MTUS2: variants seen among roughly 807,000 people sequenced by gnomAD.
The protein encoded by MTUS2 is microtubule-associated tumor suppressor candidate 2.
Under a neutral mutation model 114.1 loss-of-function variants are expected in MTUS2, and 40 were observed. The observed-to-expected ratio is 0.35, with a 90% CI of 0.27 to 0.46. The LOEUF (loss-of-function observed/expected upper bound fraction) is 0.46, where lower values mean the gene tolerates loss of function less well. Ranked by LOEUF, MTUS2 falls within the 20% of genes least tolerant of loss-of-function variation. The probability of loss-of-function intolerance (pLI) is 1.00; values close to 1 mark genes in which losing one functional copy is unlikely to be tolerated. For synonymous variants in MTUS2, 688 were observed against 672.0 expected, an observed-to-expected ratio of 1.02 and a Z score of -0.37; for missense variants, 1,679 against 1,705.4, an observed-to-expected ratio of 0.98 and a Z score of 0.27.
intron 5 of MTUS2, among the ~76,000 whole-genome samples, chr13:29,219,523 T>G (rs1895822527): frequency 6.6e-6 from 1 of 152,200 alleles, no homozygotes; most frequent in Non-Finnish European, 1.5e-5. Flanking sequence ...GTATTTCTAG[T>G]TCTAGATCCC....
At chr13:28,968,122 C>G (rs961023138) in intron 2 of MTUS2, among the ~76,000 whole-genome samples, 19 of 152,296 alleles carry the variant, frequency 1.2e-4, no homozygotes, top group Middle Eastern at 3.4e-3. Flanking sequence ...TAGAAAGTAT[C>G]TGCAGTAGTG....
intron 5 of MTUS2, among the ~76,000 whole-genome samples, chr13:29,155,894 T>A (rs977038855): frequency 6.6e-6 from 1 of 152,062 alleles, no homozygotes; most frequent in Non-Finnish European, 1.5e-5. Context: ...ATTACGAGGA[T>A]AATCTTAAAA....
chr13:29,370,437 A>T (rs1871104943), intron 8 of MTUS2, among the ~76,000 whole-genome samples: 1 of 152,096 alleles, frequency 6.6e-6, no homozygotes, highest in African/African-American at 2.4e-5. Flanking sequence ...TAGCCTCTGC[A>T]CTCCAGCCTG....
At chr13:28,907,868 T>C (rs554419724) in intron 2 of MTUS2, among the ~76,000 whole-genome samples, 1 of 151,610 alleles carries the variant, frequency 6.6e-6, no homozygotes, top group Admixed American at 6.6e-5. Context: ...GACAGTTCTT[T>C]TCTTTCAGCA....
chr13:29,162,322 T>A (rs910571106), intron 5 of MTUS2, among the ~76,000 whole-genome samples: 3 of 152,196 alleles, frequency 2.0e-5, no homozygotes, highest in Non-Finnish European at 4.4e-5. Flanking sequence ...CTCTATTAAT[T>A]ATATAAGTGA....
At chr13:29,010,072 A>G (rs1193584519) in intron 2 of MTUS2, among the ~76,000 whole-genome samples, 2 of 151,984 alleles carry the variant, frequency 1.3e-5, no homozygotes, top group Non-Finnish European at 2.9e-5. Flanking sequence ...TTAGCTGGGC[A>G]TGGTGGCACG....
chr13:29,403,804 C>T (rs1300190743), intron 8 of MTUS2, among the ~76,000 whole-genome samples: 1 of 152,148 alleles, frequency 6.6e-6, no homozygotes, highest in Non-Finnish European at 1.5e-5. Flanking sequence ...TCAGCCTCTA[C>T]AATTATGTAA....
At chr13:28,853,938 T>C (rs1462910078) in intron 2 of MTUS2, among the ~76,000 whole-genome samples, 1 of 152,254 alleles carries the variant, frequency 6.6e-6, no homozygotes, top group African/African-American at 2.4e-5. Flanking sequence ...TGGCTTGTTA[T>C]AGTAGTTACT....
At chr13:29,054,728 A>AT (rs1888052080) in intron 4 of MTUS2, among the ~76,000 whole-genome samples, 1 of 152,158 alleles carries the variant, frequency 6.6e-6, no homozygotes, top group South Asian at 2.1e-4. Flanking sequence ...TACTGGCAAT[A>AT]TTTAAAATAT....
intron 5 of MTUS2, among the ~76,000 whole-genome samples, chr13:29,136,547 ACTAATGAT>A (rs1290124064): frequency 2.0e-5 from 3 of 152,182 alleles, no homozygotes; most frequent in Non-Finnish European, 4.4e-5. Context: ...ATCACCAGTG[ACTAATGAT>A]TAAATCAGTC....
At chr13:29,336,910 G>A (rs1052390298) in intron 7 of MTUS2, among the ~76,000 whole-genome samples, 15 of 152,342 alleles carry the variant, frequency 9.8e-5, no homozygotes, top group African/African-American at 3.6e-4. Flanking sequence ...GCTCTGCCCA[G>A]TTCAAACCTC....
At chr13:29,000,360 C>T (rs1885327556) in intron 2 of MTUS2, among the ~76,000 whole-genome samples, 1 of 151,840 alleles carries the variant, frequency 6.6e-6, no homozygotes, top group Admixed American at 6.6e-5. Context: ...AGTGTTTTTT[C>T]CTTTTTTTTC....
At chr13:29,242,559 G>T (rs755505181) in intron 5 of MTUS2, 3 of 156,720 alleles carry the variant, frequency 1.9e-5, no homozygotes, top group Non-Finnish European at 4.2e-5. Context: ...TGTCTCCTCT[G>T]AATTATCTGT....
chr13:29,286,664 G>GTCTATCTATCTATCTATCTATCTA (rs1481599709), intron 6 of MTUS2, among the ~76,000 whole-genome samples: 25 of 76,426 alleles, frequency 3.3e-4, no homozygotes, highest in African/African-American at 8.6e-4. Flanking sequence ...CTGTCTGTCT[G>GTCTATCTATCTATCTATCTATCTA]TCTGTCTGTC....
intron 5 of MTUS2, among the ~76,000 whole-genome samples, chr13:29,196,006 T>C (rs774398063): frequency 1.3e-5 from 2 of 152,028 alleles, no homozygotes; most frequent in Non-Finnish European, 2.9e-5. Context: ...CCTGGCAACA[T>C]TGGGGAGGAT....
chr13:29,096,359 C>G (rs1890179877), intron 4 of MTUS2, among the ~76,000 whole-genome samples: 1 of 152,200 alleles, frequency 6.6e-6, no homozygotes, highest in Admixed American at 6.5e-5. Context: ...ACTGATTGCT[C>G]TATAATTTTC....
At chr13:28,894,701 A>G (rs1447640069) in intron 2 of MTUS2, among the ~76,000 whole-genome samples, 1 of 152,198 alleles carries the variant, frequency 6.6e-6, no homozygotes. Context: ...TGGCATATAA[A>G]TGTCTGATAG....
chr13:28,926,883 T>TA (rs1179800393), intron 2 of MTUS2, among the ~76,000 whole-genome samples: 1 of 152,202 alleles, frequency 6.6e-6, no homozygotes, highest in Admixed American at 6.5e-5. Flanking sequence ...TAATAATAGT[T>TA]AAAAAATAAT....
chr13:29,433,897 A>G (rs1877206893), intron 8 of MTUS2, among the ~76,000 whole-genome samples: 1 of 152,164 alleles, frequency 6.6e-6, no homozygotes, highest in Non-Finnish European at 1.5e-5. Flanking sequence ...TAAATTCACA[A>G]TTTTAAAAGA....
Sources: gnomAD v4.1 joint callset for allele counts (sites outside exome capture counted in the v4.1 genomes callset) on GRCh38, gnomAD v4.1.1 for gene constraint, MANE v1.5 for transcripts, NCBI Gene and HGNC (gene_info 2026-07-23, HGNC 2026-07-21) for gene names.